The following CDC14B variants were observed in gnomAD, a reference collection of about 807,000 sequenced individuals.
CDC14B encodes dual specificity protein phosphatase CDC14B.
In CDC14B, 22 loss-of-function variants were observed where a neutral mutation model predicts 64.2. The observed-to-expected ratio is 0.34, with a 90% CI of 0.24 to 0.49. The LOEUF (loss-of-function observed/expected upper bound fraction) is 0.49, where lower values mean the gene tolerates loss of function less well. Ranked by LOEUF, CDC14B falls within the 20% of genes least tolerant of loss-of-function variation. The pLI, the probability that CDC14B is intolerant of heterozygous loss-of-function variation, is 0.99. For synonymous variants in CDC14B, 191 were observed against 215.8 expected (o/e 0.89, Z 1.01); for missense variants, 498 against 629.9 (o/e 0.79, Z 2.24).
At chr9:96,524,127 G>A (rs911809339) in intron 9 of CDC14B, among the ~76,000 whole-genome samples, 35 of 152,138 alleles carry the variant, frequency 2.3e-4, no homozygotes, top group African/African-American at 8.0e-4. Flanking sequence ...CAGTAGAGAC[G>A]GGGCTTCACC....
intron 1 of CDC14B, among the ~76,000 whole-genome samples, chr9:96,601,523 C>T (rs983556831): frequency 1.4e-5 from 2 of 146,740 alleles, no homozygotes; most frequent in African/African-American, 5.1e-5. Flanking sequence ...AAGGGCCGGG[C>T]GTGGCACACC....
intron 13 of CDC14B, 27 bp downstream of exon 13, chr9:96,509,646 T>G (rs753693759): frequency 7.2e-6 from 10 of 1,394,534 alleles, no homozygotes; most frequent in Non-Finnish European, 1.0e-5. Context: ...CTTGCAACTT[T>G]TCAGAAGAGT....
At chr9:96,591,049 T>C (rs1845765557) in intron 1 of CDC14B, among the ~76,000 whole-genome samples, 1 of 152,196 alleles carries the variant, frequency 6.6e-6, no homozygotes, top group Non-Finnish European at 1.5e-5. Context: ...TTTGCTTCCA[T>C]TCTAGGTTGT....
chr9:96,548,801 TAAAA>T (rs1308254532), intron 5 of CDC14B, among the ~76,000 whole-genome samples: 1 of 139,880 alleles, frequency 7.1e-6, no homozygotes, highest in African/African-American at 2.6e-5. Flanking sequence ...AATCTGTCTT[TAAAA>T]AAAAAAAAAA....
At chr9:96,562,357 T>C (rs1277651665) in intron 4 of CDC14B, among the ~76,000 whole-genome samples, 1 of 152,194 alleles carries the variant, frequency 6.6e-6, no homozygotes, top group Non-Finnish European at 1.5e-5. Context: ...CACGAGTGAA[T>C]AGAAATAGCT....
chr9:96,590,466 C>A (rs1316415249), intron 1 of CDC14B, among the ~76,000 whole-genome samples: 1 of 152,136 alleles, frequency 6.6e-6, no homozygotes, highest in Non-Finnish European at 1.5e-5. Flanking sequence ...TGTAAAAGTA[C>A]CACTGGGCAA....
In CDC14B at chr9:96,515,784, A is replaced by T. The variant is rs1387622815; in HGVS notation, c.1344-5995T>A. 6.3e-7 allele frequency: 1 copy of T among 1,597,934 alleles called. No homozygotes were observed. The highest frequency in any genetic ancestry group is 1.3e-5 in the African/African-American group (1 of 74,692). On this transcript the variant is annotated intron_variant, in intron 12 of 13. Transcript: ENST00000375241. This position sits in a 1 kb window ranked among gnomAD's most constrained non-coding sequence, Gnocchi z 4.3. Reference sequence around the variant, plus strand: ...ACACAGTGCAGAGGTCAGCACAGCTAGGGGACATCTGGAAAGGGGTGAAGG... The same window carrying T: ...ACACAGTGCAGAGGTCAGCACAGCTTGGGGACATCTGGAAAGGGGTGAAGG...
chr9:96,601,180 T>C (rs1846423124), intron 1 of CDC14B, among the ~76,000 whole-genome samples: 1 of 152,120 alleles, frequency 6.6e-6, no homozygotes, highest in Admixed American at 6.5e-5. Context: ...TCTGTGTATC[T>C]AAACATGCTC....
chr9:96,560,886 T>C (rs1024366413), intron 4 of CDC14B, among the ~76,000 whole-genome samples: 5 of 152,072 alleles, frequency 3.3e-5, no homozygotes, highest in Non-Finnish European at 7.3e-5. Context: ...ATCTATAACC[T>C]ATGTTTCATA....
At chr9:96,539,951 T>C (rs1839808598) in intron 6 of CDC14B, among the ~76,000 whole-genome samples, 2 of 152,194 alleles carry the variant, frequency 1.3e-5, no homozygotes, top group Admixed American at 1.3e-4. Flanking sequence ...GAGGGGGCTT[T>C]TGTACACCCA....
chr9:96,567,986 C>A (rs1844210915), intron 1 of CDC14B, among the ~76,000 whole-genome samples: 2 of 152,236 alleles, frequency 1.3e-5, no homozygotes, highest in South Asian at 2.1e-4. Context: ...AAAATATATT[C>A]TAAACCTATG....
chr9:96,599,575 ATAC>A (rs1453444443), intron 1 of CDC14B, among the ~76,000 whole-genome samples: 1 of 152,170 alleles, frequency 6.6e-6, no homozygotes, highest in Non-Finnish European at 1.5e-5. Context: ...CAGAACAAAG[ATAC>A]TAATGAAAAA....
chr9:96,523,710 G>A lies in CDC14B; in HGVS notation c.962C>T (p.Thr321Met), dbSNP rs1335039855. The A allele has an allele frequency of 1.9e-6, 3 of 1,613,122 alleles. No individual in the cohort carries two copies. Among genetic ancestry groups the A allele is most frequent in the Non-Finnish European group, 1.7e-6 (2 of 1,179,316 alleles). The change falls in exon 10 of 14, where the codon ACG becomes ATG. Residue 321 changes from threonine (T) to methionine (M), a missense_variant. Coordinates refer to ENST00000375241, the MANE Select transcript of CDC14B (RefSeq NM_033331.4). ...AVHCKAGLGR[T>M]GTLIACYIMK... is the part of the protein sequence containing the mutation. Reference sequence around the variant, plus strand: ...GATGTAGCAGGCTATCAGAGTGCCCGTGCGACCAAGGCCAGCTAGGAAAAT... The same window carrying A: ...GATGTAGCAGGCTATCAGAGTGCCCATGCGACCAAGGCCAGCTAGGAAAAT...
intron 1 of CDC14B, among the ~76,000 whole-genome samples, chr9:96,594,235 G>A (rs1270515638): frequency 6.6e-6 from 1 of 152,184 alleles, no homozygotes; most frequent in African/African-American, 2.4e-5. Flanking sequence ...GCAGAACCTG[G>A]CAGATGCCCT....
chr9:96,587,163 ACT>A lies in CDC14B; in HGVS notation c.161-21682_161-21681del, dbSNP rs1281702529. ...ACTCTAGCCTAGGCAACAGAGTGAG[ACT>A]CTGTCTCGAAAACAAAAACAACAAA... On this transcript the variant is annotated intron_variant, in intron 1 of 13. Transcript: ENST00000375241. Among the ~76,000 whole-genome samples, 4 of 151,820 alleles carry A rather than the reference ACT, an allele frequency of 2.6e-5. No individual in the cohort carries two copies. In the South Asian group the frequency reaches 6.2e-4, roughly 24 times the overall value.
intron 9 of CDC14B, among the ~76,000 whole-genome samples, chr9:96,532,541 A>T (rs1461842776): frequency 6.6e-6 from 1 of 152,154 alleles, no homozygotes; most frequent in Non-Finnish European, 1.5e-5. Context: ...CAGCCAAATC[A>T]TCTGTCTGCT....
intron 12 of CDC14B, among the ~76,000 whole-genome samples, chr9:96,519,115 G>A (rs781593712): frequency 5.3e-5 from 8 of 152,022 alleles, no homozygotes; most frequent in South Asian, 2.1e-4. Context: ...CAGCCTGGGC[G>A]ACAGGGCGAT....
At position 96,589,666 on chromosome 9, in the gene CDC14B, G is replaced by A. The variant is rs114495020; in HGVS notation, c.161-24183C>T. Among the ~76,000 whole-genome samples the A allele has an allele frequency of 8.9e-3, 1,357 of 152,050 alleles. 17 individuals carry two copies. The highest frequency in any genetic ancestry group is 0.031 in the African/African-American group (1,268 of 41,484). On this transcript the variant is annotated intron_variant, in intron 1 of 13. Coordinates refer to ENST00000375241, the MANE Select transcript of CDC14B (RefSeq NM_033331.4). ...ATGTAACACCGAGCTTTTAAAAACC[G>A]TAAGTTTTTAGGCCGGGCACGGTGG...
At chr9:96,495,408 G>A (rs1455596109), downstream of CDC14B, among the ~76,000 whole-genome samples, 14 of 55,564 alleles carry the variant, frequency 2.5e-4, no homozygotes, top group South Asian at 7.3e-4. Flanking sequence ...CCCGCCCCCC[G>A]CCCCTGCCCA....
Sources: allele counts gnomAD v4.1 joint callset (sites outside exome capture counted in the v4.1 genomes callset), GRCh38; gene constraint gnomAD v4.1.1; non-coding constraint Gnocchi (gnomAD v3.1); transcripts MANE v1.5; gene names NCBI Gene and HGNC (gene_info 2026-07-23, HGNC 2026-07-21).